KAZN: variants seen among roughly 807,000 people sequenced by gnomAD.
KAZN encodes the protein kazrin, periplakin interacting protein, also known as kazrin.
In KAZN, 40 loss-of-function variants were observed where a neutral mutation model predicts 87.4. The observed-to-expected ratio is 0.46, with a 90% confidence interval of 0.36 to 0.60. KAZN has a LOEUF of 0.60. Among genes scored for constraint, KAZN ranks in the 20% least tolerant of loss-of-function variants. KAZN has a pLI of 0.00. For synonymous variants in KAZN, 466 were observed against 458.3 expected (o/e 1.02, Z -0.22); for missense variants, 898 against 1,073.9 (o/e 0.84, Z 2.29).
intron 1 of KAZN, among the ~76,000 whole-genome samples, chr1:14,068,454 A>G (rs907096106): frequency 1.3e-5 from 2 of 152,168 alleles, no homozygotes; most frequent in African/African-American, 4.8e-5. Context: ...TTCTCAAACT[A>G]TGCCCCAAAA....
intron 2 of KAZN, among the ~76,000 whole-genome samples, chr1:14,292,601 G>A (rs1202622645): frequency 6.6e-6 from 1 of 152,220 alleles, no homozygotes; most frequent in Non-Finnish European, 1.5e-5. Context: ...GCCTGAAGCT[G>A]CCCCCATGGC....
chr1:14,556,229 C>A (rs1211404582), intron 2 of KAZN, among the ~76,000 whole-genome samples: 1 of 151,892 alleles, frequency 6.6e-6, no homozygotes, highest in Non-Finnish European at 1.5e-5. Context: ...CCTGCCTCAG[C>A]CTCCCGAGTA....
intron 1 of KAZN, among the ~76,000 whole-genome samples, chr1:14,680,560 T>C (rs555816164): frequency 2.6e-5 from 4 of 152,282 alleles, no homozygotes; most frequent in African/African-American, 7.2e-5. Context: ...ACCCGTCACC[T>C]AGGTTTTAAG....
At chr1:14,647,231 A>G in intron 1 of KAZN, among the ~76,000 whole-genome samples, 1 of 152,206 alleles carries the variant, frequency 6.6e-6, no homozygotes, top group Admixed American at 6.5e-5. Context: ...TATAATGGTC[A>G]AAACAGCCCG....
chr1:14,947,812 C>T lies in KAZN; in HGVS notation c.227-12872C>T, dbSNP rs141420003. Among the ~76,000 whole-genome samples the T allele has an allele frequency of 1.7e-4, 26 of 152,328 alleles. No homozygotes were observed. In the East Asian group the frequency reaches 4.1e-3, roughly 24 times the overall value. ...CACATAGTGAACACCCAAATGGGAGCTGGAACCCTCAGGTGAACCCCAGTG... is the reference window on the plus strand; with the variant it reads ...CACATAGTGAACACCCAAATGGGAGTTGGAACCCTCAGGTGAACCCCAGTG... On this transcript the variant is annotated intron_variant, in intron 1 of 14. Transcript: ENST00000376030.
At chr1:14,461,854 C>T (rs1023862211) in intron 2 of KAZN, among the ~76,000 whole-genome samples, 1 of 151,946 alleles carries the variant, frequency 6.6e-6, no homozygotes, top group Admixed American at 6.6e-5. Flanking sequence ...GAAAACATTC[C>T]TGGGAGGGAC....
chr1:14,494,825 T>C (rs1470942779), intron 2 of KAZN, among the ~76,000 whole-genome samples: 1 of 152,194 alleles, frequency 6.6e-6, no homozygotes, highest in Non-Finnish European at 1.5e-5. Flanking sequence ...GTGCAGCATT[T>C]ATGGGAAACT....
chr1:14,784,882 A>G (rs1244259170), intron 1 of KAZN, among the ~76,000 whole-genome samples: 1 of 152,136 alleles, frequency 6.6e-6, no homozygotes, highest in Non-Finnish European at 1.5e-5. Flanking sequence ...ATGTCTGAGA[A>G]TAGCCTCTTC....
intron 1 of KAZN, among the ~76,000 whole-genome samples, chr1:14,712,679 A>G (rs1049774753): frequency 2.0e-5 from 3 of 152,158 alleles, no homozygotes; most frequent in East Asian, 1.9e-4. Context: ...TAAATCATCT[A>G]TTATTACCCG....
intron 2 of KAZN, among the ~76,000 whole-genome samples, chr1:14,298,153 A>T (rs1357567178): frequency 6.6e-6 from 1 of 152,148 alleles, no homozygotes; most frequent in East Asian, 1.9e-4. Flanking sequence ...TGAACCCAGG[A>T]GGTCGAGGCT....
intron 1 of KAZN, among the ~76,000 whole-genome samples, chr1:14,010,187 A>T (rs1180459259): frequency 6.6e-6 from 1 of 152,108 alleles, no homozygotes; most frequent in Non-Finnish European, 1.5e-5. Flanking sequence ...CTCCTGGTGC[A>T]CATTAAAGTA....
rs577625103 is a variant in KAZN, at chr1:14,430,433, A to G, written c.250-168550A>G. ...AAGATTTATCGAAAGAAATTAGCCAAGGGTCTGGCTTTCAGGGTCTTAACC... is the reference window on the plus strand; with the variant it reads ...AAGATTTATCGAAAGAAATTAGCCAGGGGTCTGGCTTTCAGGGTCTTAACC... On this transcript the variant is annotated intron_variant, in intron 2 of 16. Coordinates refer to the KAZN transcript ENST00000636203. Among the ~76,000 whole-genome samples the G allele has an allele frequency of 3.9e-4, 59 of 152,304 alleles. No individual in the cohort carries two copies. In the Middle Eastern group the frequency reaches 0.01, roughly 26 times the overall value.
Position 14,735,108 on chromosome 1 carries a change from G to A in KAZN, c.226+135885G>A, listed in dbSNP as rs1011569915. ...GGAGTCTCGCTCTTTCGCCCAGGCC[G>A]GACTGTAGTGGCGCTATCTCGGCTC... is the stretch of plus-strand genomic sequence containing the variant. On this transcript the variant is annotated intron_variant, in intron 1 of 14. Coordinates refer to ENST00000376030, the MANE Select transcript of KAZN (RefSeq NM_201628.3). The surrounding 1 kb of genome is among the most constrained non-coding windows in gnomAD (Gnocchi z 4.3). Among the ~76,000 whole-genome samples, 5 of 152,120 alleles carry A rather than the reference G, an allele frequency of 3.3e-5. No individual in the cohort carries two copies. Among genetic ancestry groups the A allele is most frequent in the African/African-American group, 4.8e-5 (2 of 41,414 alleles).
At chr1:15,019,421 C>A (rs1240935953) in intron 2 of KAZN, among the ~76,000 whole-genome samples, 1 of 152,174 alleles carries the variant, frequency 6.6e-6, no homozygotes, top group Non-Finnish European at 1.5e-5. Context: ...CAGAGTCTTG[C>A]TCTGTCACCC....
intron 2 of KAZN, among the ~76,000 whole-genome samples, chr1:14,453,441 A>G (rs1254338593): frequency 6.6e-6 from 1 of 152,170 alleles, no homozygotes; most frequent in African/African-American, 2.4e-5. Flanking sequence ...TCAACAACAA[A>G]CACAAGGTGA....
chr1:14,085,141 T>C (rs1469030775), intron 1 of KAZN, among the ~76,000 whole-genome samples: 1 of 152,194 alleles, frequency 6.6e-6, no homozygotes, highest in Non-Finnish European at 1.5e-5. Context: ...TTTGCTGTCA[T>C]CTTAGAACAA....
At chr1:14,160,972 A>G (rs1384292417) in intron 1 of KAZN, among the ~76,000 whole-genome samples, 1 of 152,242 alleles carries the variant, frequency 6.6e-6, no homozygotes, top group African/African-American at 2.4e-5. Flanking sequence ...TGGTTGTGTT[A>G]TGACTTATCC....
chr1:14,542,144 T>C (rs1163304313), intron 2 of KAZN, among the ~76,000 whole-genome samples: 2 of 152,066 alleles, frequency 1.3e-5, no homozygotes, highest in Non-Finnish European at 2.9e-5. Flanking sequence ...GTGAATTCAT[T>C]GGTGCTCACA....
intron 1 of KAZN, among the ~76,000 whole-genome samples, chr1:14,082,566 CCCTGCCCAGGAAGG>C (rs2101594441): frequency 6.6e-6 from 1 of 152,260 alleles, no homozygotes; most frequent in South Asian, 2.1e-4. Flanking sequence ...ATCAAGGAAG[CCCTGCCCAGGAAGG>C]ATAACAAAAT....
Sources: allele counts gnomAD v4.1 joint callset (sites outside exome capture counted in the v4.1 genomes callset), GRCh38; gene constraint gnomAD v4.1.1; non-coding constraint Gnocchi (gnomAD v3.1); transcripts MANE v1.5; gene names NCBI Gene and HGNC (gene_info 2026-07-23, HGNC 2026-07-21).